SCGB1D4: variants seen among roughly 807,000 people sequenced by gnomAD.
The protein encoded by SCGB1D4 is secretoglobin family 1D member 4, also known as IFN-gamma inducible SCGB (IIS).
SCGB1D4 carries 6 observed loss-of-function variants against 8.1 expected under a neutral mutation model. The ratio of observed to expected loss-of-function variants is 0.74; its 90% CI spans 0.40 to 1.45. SCGB1D4 has a LOEUF of 1.45. SCGB1D4 is among the 40% of genes most tolerant of loss of function. The probability of loss-of-function intolerance (pLI) is 0.02; values close to 1 mark genes in which losing one functional copy is unlikely to be tolerated. For synonymous variants in SCGB1D4, 34 were observed against 38.1 expected (o/e 0.89, Z 0.39); for missense variants, 93 against 95.0 (o/e 0.98, Z 0.09).
chr11:62,296,362 T>C lies in SCGB1D4; in HGVS notation c.*48A>G, dbSNP rs966172277. On this transcript the variant is annotated 3_prime_UTR_variant, in exon 3 of 3. Coordinates refer to ENST00000358585, the MANE Select transcript of SCGB1D4 (RefSeq NM_206998.2). Reference sequence around the variant, plus strand: ...AGATCAGGGTGTCGTTGAAAGACTTTGGAAACCAGGTTGAGCATTTTTACA... The same window carrying C: ...AGATCAGGGTGTCGTTGAAAGACTTCGGAAACCAGGTTGAGCATTTTTACA... The C allele has an allele frequency of 4.4e-6, 7 of 1,580,106 alleles. No homozygotes were observed. The highest frequency in any genetic ancestry group is 6.1e-6 in the Non-Finnish European group (7 of 1,149,492).
Position 62,298,058 on chromosome 11 carries a change from T to TG in SCGB1D4, c.56-401_56-400insC, listed in dbSNP as rs1945458965. 2.7e-5 allele frequency among the ~76,000 whole-genome samples: 4 copies of TG among 147,124 alleles called. 2 individuals are homozygous for TG. The highest frequency in any genetic ancestry group is 1.0e-4 in the African/African-American group (4 of 39,442). On this transcript the variant is annotated intron_variant, in intron 1 of 2. Transcript: ENST00000358585. ...TGTGTGTGTGTGTGTTTTGTTTTGT[T>TG]TTTTTTTTTTGTAGAGATGGGGTTT...
rs1229169902 is a variant in SCGB1D4, at chr11:62,299,034, C to T, written c.-24G>A. 1.9e-6 allele frequency: 3 copies of T among 1,610,956 alleles called. No homozygotes were observed. Among genetic ancestry groups the T allele is most frequent in the Non-Finnish European group, 2.5e-6 (3 of 1,178,228 alleles). On this transcript the variant is annotated 5_prime_UTR_variant, in exon 1 of 3. Coordinates refer to ENST00000358585, the MANE Select transcript of SCGB1D4 (RefSeq NM_206998.2). ...ATGGTGGCTTATTCGGCTGTGAGCT[C>T]AGCTTTCACAATGAGTGATTTGGAT...
intron 1 of SCGB1D4, among the ~76,000 whole-genome samples, chr11:62,298,529 C>A (rs572864909): frequency 6.6e-6 from 1 of 152,018 alleles, no homozygotes; most frequent in Non-Finnish European, 1.5e-5. Context: ...GAGGCCGAGG[C>A]GGGCAGATCA....
At chr11:62,298,807 T>A in intron 1 of SCGB1D4, 149 bp downstream of exon 1, 2 of 576,224 alleles carry the variant, frequency 3.5e-6, no homozygotes, top group Non-Finnish European at 5.7e-6. Flanking sequence ...CTCTAACCTT[T>A]ATGAATCTTA....
chr11:62,297,629 A>G lies in SCGB1D4; in HGVS notation c.85T>C (p.Ser29Pro), dbSNP rs1945453604. The G allele has an allele frequency of 1.2e-6, 2 of 1,613,760 alleles. No individual in the cohort carries two copies. The highest frequency in any genetic ancestry group is 1.7e-6 in the Non-Finnish European group (2 of 1,180,020). ...AHALVCPAVA[S>P]EITVFLFLSD... is the part of the protein sequence containing the mutation. ...AAGAATAAGAAGACTGTGATCTCAG[A>G]AGCAACAGCTGGGCAGACAAGAGCA... The change falls in exon 2 of 3, where the codon TCT becomes CCT. Residue 29 changes from serine to proline, a missense_variant. Coordinates refer to ENST00000358585, the MANE Select transcript of SCGB1D4 (RefSeq NM_206998.2).
At chr11:62,297,996 C>CCA (rs963117600) in intron 1 of SCGB1D4, among the ~76,000 whole-genome samples, 2 of 150,624 alleles carry the variant, frequency 1.3e-5, no homozygotes, top group Non-Finnish European at 2.9e-5. Flanking sequence ...CAGTGCCTGC[C>CCA]ACCATGCCCG....
chr11:62,298,136 C>G (rs1002299259), intron 1 of SCGB1D4, among the ~76,000 whole-genome samples: 8 of 150,940 alleles, frequency 5.3e-5, no homozygotes, highest in Admixed American at 6.6e-5. Context: ...GATCTGCCCA[C>G]TGTGGCCTCC....
At position 62,297,638 on chromosome 11, in the gene SCGB1D4, C is replaced by T. The variant is rs1945453654; in HGVS notation, c.76G>A (p.Ala26Thr). 6.2e-7 allele frequency: 1 copy of T among 1,613,532 alleles called. No individual in the cohort carries two copies. Among genetic ancestry groups the T allele is most frequent in the Non-Finnish European group, 8.5e-7 (1 of 1,179,956 alleles). Residue 26 changes from alanine to threonine, a missense_variant, in exon 2 of 3, where the codon GCT becomes ACT. Transcript: ENST00000358585. ...AAGACTGTGATCTCAGAAGCAACAG[C>T]TGGGCAGACAAGAGCATGGGCTGCA... is the stretch of plus-strand genomic sequence containing the variant. ...CYQAHALVCP[A>T]VASEITVFLF... is the part of the protein sequence containing the mutation.
At position 62,299,002 on chromosome 11, in the gene SCGB1D4, C is replaced by T. The variant is rs762444887; in HGVS notation, c.9G>A (p.Leu3=). ...GCGAGACCATCAGGAGACACACTGACAGCCTCATGGTGGCTTATTCGGCTG... is the reference window on the plus strand; with the variant it reads ...GCGAGACCATCAGGAGACACACTGATAGCCTCATGGTGGCTTATTCGGCTG... The part of the protein sequence containing the change: MR[L]SVCLLMVSLA... Residue 3 remains leucine, a synonymous_variant, in exon 1 of 3, where the codon CTG becomes CTA. Coordinates refer to ENST00000358585, the MANE Select transcript of SCGB1D4 (RefSeq NM_206998.2). 9.3e-6 allele frequency: 15 copies of T among 1,613,876 alleles called. No homozygotes were observed. Among genetic ancestry groups the T allele is most frequent in the Non-Finnish European group, 1.2e-5 (14 of 1,179,884 alleles).
intron 2 of SCGB1D4, 43 bp from the exon 3 acceptor site, chr11:62,296,462 G>A: frequency 6.3e-7 from 1 of 1,597,662 alleles, no homozygotes; most frequent in Non-Finnish European, 8.5e-7. Context: ...GGTGAGGTCA[G>A]TCATGCTGCT....
intron 2 of SCGB1D4, among the ~76,000 whole-genome samples, chr11:62,296,836 T>C (rs1180398799): frequency 3.3e-5 from 5 of 152,208 alleles, no homozygotes; most frequent in African/African-American, 1.2e-4. Context: ...GACTCCAGTC[T>C]TCCCATGGGA....
rs753880107 is a variant in SCGB1D4 at position 62,299,038 on chromosome 11, T to C, written c.-28A>G. The stretch of plus-strand genomic sequence containing the variant: ...TGGCTTATTCGGCTGTGAGCTCAGC[T>C]TTCACAATGAGTGATTTGGATTCGA... On this transcript the variant is annotated 5_prime_UTR_variant, in exon 1 of 3. Transcript: ENST00000358585. 7.5e-6 allele frequency: 12 copies of C among 1,610,590 alleles called. No individual in the cohort carries two copies. In the South Asian group the frequency reaches 1.3e-4, roughly 18 times the overall value.
At chr11:62,296,683 A>AG (rs1314585975) in intron 2 of SCGB1D4, among the ~76,000 whole-genome samples, 1 of 152,030 alleles carries the variant, frequency 6.6e-6, no homozygotes. Flanking sequence ...ATGGAGGAGG[A>AG]GGGGAGGGGT....
Position 62,297,048 on chromosome 11 carries a change from C to T in SCGB1D4, c.242+424G>A, listed in dbSNP as rs567261794. On this transcript the variant is annotated intron_variant, in intron 2 of 2. Transcript: ENST00000358585. Reference sequence around the variant, plus strand: ...GTAGAGCAGCGAAAAAGTCTTGGCCCACTGGCTGTGGTCAGGAGAGTGTCA... The same window carrying T: ...GTAGAGCAGCGAAAAAGTCTTGGCCTACTGGCTGTGGTCAGGAGAGTGTCA... Among the ~76,000 whole-genome samples, 9 of 152,300 alleles carry T rather than the reference C, an allele frequency of 5.9e-5. No individual in the cohort carries two copies. The South Asian group carries it at 1.9e-3, about 32-fold the overall frequency.
intron 2 of SCGB1D4, among the ~76,000 whole-genome samples, chr11:62,297,022 G>C (rs975773937): frequency 6.6e-6 from 1 of 152,234 alleles, no homozygotes; most frequent in African/African-American, 2.4e-5. Context: ...CGTTGCAGTA[G>C]GTAGAGCAGC....
chr11:62,298,090 G>T (rs1279212509), intron 1 of SCGB1D4, among the ~76,000 whole-genome samples: 1 of 130,896 alleles, frequency 7.6e-6, no homozygotes. Flanking sequence ...GTTTCGCCAT[G>T]TTGCCCAGGC....
intron 2 of SCGB1D4, among the ~76,000 whole-genome samples, chr11:62,296,783 C>T (rs1201481675): frequency 1.3e-5 from 2 of 152,184 alleles, no homozygotes; most frequent in African/African-American, 4.8e-5. Flanking sequence ...GCTCTGAAGC[C>T]AGGCAGGGCA....
rs763309143 is a variant in SCGB1D4, at chr11:62,297,523, T to C, written c.191A>G (p.His64Arg). 1.2e-6 allele frequency: 2 copies of C among 1,614,058 alleles called. No homozygotes were observed. The highest frequency in any genetic ancestry group is 1.7e-6 in the Non-Finnish European group (2 of 1,180,000). The change falls in exon 2 of 3, where the codon CAC (histidine) becomes CGC (arginine). Residue 64 changes from histidine to arginine, a missense_variant. Transcript: ENST00000358585. Reference sequence around the variant, plus strand: ...CTTAAAAGATATCTGATCGGTGCAGTGCTTCACTTCCAACTTGGCTGCAAG... The same window carrying C: ...CTTAAAAGATATCTGATCGGTGCAGCGCTTCACTTCCAACTTGGCTGCAAG... ...EALAAKLEVK[H>R]CTDQISFKKR... is the part of the protein sequence containing the mutation.
chr11:62,296,388 T>C lies in SCGB1D4; in HGVS notation c.*22A>G. On this transcript the variant is annotated 3_prime_UTR_variant, in exon 3 of 3. Coordinates refer to ENST00000358585, the MANE Select transcript of SCGB1D4 (RefSeq NM_206998.2). ...GGAAACCAGGTTGAGCATTTTTACATGTCACACACCACATTTTTTCACTAT... is the reference window on the plus strand; with the variant it reads ...GGAAACCAGGTTGAGCATTTTTACACGTCACACACCACATTTTTTCACTAT... The C allele has an allele frequency of 6.2e-7, 1 of 1,610,436 alleles. No individual in the cohort carries two copies. The highest frequency in any genetic ancestry group is 1.1e-5 in the South Asian group (1 of 90,834).
Sources: allele counts gnomAD v4.1 joint callset (sites outside exome capture counted in the v4.1 genomes callset), GRCh38; gene constraint gnomAD v4.1.1; transcripts MANE v1.5; gene names NCBI Gene and HGNC (gene_info 2026-07-23, HGNC 2026-07-21).